Variants in TTC7B observed in about 807,000 individuals in gnomAD.
TTC7B encodes the protein tetratricopeptide repeat domain 7B.
In TTC7B, 28 loss-of-function variants were observed where a neutral mutation model predicts 106.8. The ratio of observed to expected loss-of-function variants is 0.26; its 90% CI spans 0.19 to 0.36. TTC7B has a LOEUF of 0.36. Among genes scored for constraint, TTC7B ranks in the 10% least tolerant of loss-of-function variants. The probability of loss-of-function intolerance (pLI) is 1.00; values close to 1 mark genes in which losing one functional copy is unlikely to be tolerated. For synonymous variants in TTC7B, 405 were observed against 430.6 expected (o/e 0.94, Z 0.74); for missense variants, 862 against 1,076.4 (o/e 0.80, Z 2.79).
chr14:90,638,877 A>G (rs193163303), intron 15 of TTC7B, among the ~76,000 whole-genome samples: 75 of 152,398 alleles, frequency 4.9e-4, no homozygotes, highest in African/African-American at 1.8e-3. Context: ...ACGATGGCCA[A>G]TGGAACAAAA....
rs910811930 is a variant in TTC7B at position 90,534,255 on chromosome 14, A to C, written c.*7113T>G. ...GCAGCGTGGGCAGGGGCAGCAGGAAATGCATGACCACAAGTGTGGGAGGAA... is the reference window on the plus strand; with the variant it reads ...GCAGCGTGGGCAGGGGCAGCAGGAACTGCATGACCACAAGTGTGGGAGGAA... On this transcript the variant is annotated 3_prime_UTR_variant, in exon 20 of 20. Coordinates refer to ENST00000328459, the MANE Select transcript of TTC7B (RefSeq NM_001010854.2). The C allele has an allele frequency of 1.0e-4, 16 of 152,402 alleles. No homozygotes were observed. The highest frequency in any genetic ancestry group is 3.4e-4 in the African/African-American group (14 of 41,476). The allele number at this position is 152,402 out of a possible 1,614,324, so 9.4% of individuals were successfully genotyped here.
chr14:90,592,372 A>C (rs1010614751), intron 18 of TTC7B, among the ~76,000 whole-genome samples: 11 of 152,188 alleles, frequency 7.2e-5, no homozygotes, highest in African/African-American at 2.7e-4. Flanking sequence ...ATCCACAGCC[A>C]TTATTTCTTG....
chr14:90,794,661 G>A (rs72695557), intron 1 of TTC7B, among the ~76,000 whole-genome samples: 6,468 of 152,226 alleles, frequency 0.042, 191 homozygotes, highest in Non-Finnish European at 0.058. Flanking sequence ...CTCTGAGCAG[G>A]GAAGTTACAA....
At chr14:90,611,336 G>C (rs752790073) in intron 16 of TTC7B, among the ~76,000 whole-genome samples, 1 of 152,146 alleles carries the variant, frequency 6.6e-6, no homozygotes, top group African/African-American at 2.4e-5. Flanking sequence ...ACTGTGAACC[G>C]AACAAATCAA....
intron 1 of TTC7B, among the ~76,000 whole-genome samples, chr14:90,797,600 T>C (rs2140052449): frequency 6.6e-6 from 1 of 152,138 alleles, no homozygotes; most frequent in African/African-American, 2.4e-5. Flanking sequence ...GACACTGCTG[T>C]GTCATGCTGG....
intron 15 of TTC7B, among the ~76,000 whole-genome samples, chr14:90,622,979 A>G (rs1731920758): frequency 6.6e-6 from 1 of 151,410 alleles, no homozygotes. Flanking sequence ...CCCATGTGTC[A>G]CTCTCCTCCA....
At chr14:90,717,166 T>C (rs1431606935) in intron 5 of TTC7B, among the ~76,000 whole-genome samples, 8 of 151,930 alleles carry the variant, frequency 5.3e-5, no homozygotes, top group African/African-American at 1.9e-4. Context: ...GGTGAAACCC[T>C]GTCTCTACTA....
chr14:90,737,546 G>GTTTTT (rs71461922), intron 4 of TTC7B, among the ~76,000 whole-genome samples: 128 of 91,750 alleles, frequency 1.4e-3, no homozygotes, highest in Admixed American at 1.7e-3. Flanking sequence ...GTATGATTCT[G>GTTTTT]TTTTTTTTTT....
At chr14:90,801,176 G>C (rs1392416233) in intron 1 of TTC7B, among the ~76,000 whole-genome samples, 1 of 137,082 alleles carries the variant, frequency 7.3e-6, no homozygotes, top group East Asian at 2.1e-4. Flanking sequence ...AGTGAGCCAT[G>C]ATCACACCAC....
chr14:90,678,014 G>T (rs1886909311), intron 8 of TTC7B, among the ~76,000 whole-genome samples: 1 of 152,260 alleles, frequency 6.6e-6, no homozygotes, highest in Admixed American at 6.5e-5. Flanking sequence ...TGTTGCAAAT[G>T]GTCTCATTTT....
At chr14:90,602,884 C>T (rs188298337) in intron 17 of TTC7B, among the ~76,000 whole-genome samples, 136 of 152,260 alleles carry the variant, frequency 8.9e-4, no homozygotes, top group Non-Finnish European at 1.6e-3. Context: ...CCAACTGGTT[C>T]CCTCTACCTA....
Position 90,674,769 on chromosome 14 carries a change from G to T in TTC7B, c.1152+1754C>A, listed in dbSNP as rs146225619. Among the ~76,000 whole-genome samples, 366 of 152,336 alleles carry T rather than the reference G, an allele frequency of 2.4e-3. 2 individuals carry two copies. Among genetic ancestry groups the T allele is most frequent in the African/African-American group, 8.6e-3 (358 of 41,576 alleles). On this transcript the variant is annotated intron_variant, in intron 9 of 19. Transcript: ENST00000328459. The stretch of plus-strand genomic sequence containing the variant: ...ATAAAATTCAAAAGGCTCTGGGGGA[G>T]ATACAGTAACAAATTTGCCTTTCTT...
chr14:90,622,055 G>A (rs1884228047), intron 15 of TTC7B, among the ~76,000 whole-genome samples: 1 of 151,680 alleles, frequency 6.6e-6, no homozygotes, highest in Non-Finnish European at 1.5e-5. Context: ...TCAACACGAT[G>A]AAGAGGGCAG....
chr14:90,664,392 C>A (rs1485238304), intron 9 of TTC7B, among the ~76,000 whole-genome samples: 1 of 152,122 alleles, frequency 6.6e-6, no homozygotes, highest in Non-Finnish European at 1.5e-5. Context: ...GCCTCAGCCT[C>A]CGGAGTAGCT....
At position 90,603,144 on chromosome 14, in the gene TTC7B, C is replaced by T. The variant is rs149966515; in HGVS notation, c.1966+7598G>A. Reference sequence around the variant, plus strand: ...CAGGCAGGTGGCAGAGGGATGTCCACGTCATCTCAGCATTCTCAGCACTCA... The same window carrying T: ...CAGGCAGGTGGCAGAGGGATGTCCATGTCATCTCAGCATTCTCAGCACTCA... On this transcript the variant is annotated intron_variant, in intron 17 of 19. Coordinates refer to ENST00000328459, the MANE Select transcript of TTC7B (RefSeq NM_001010854.2). The T allele has an allele frequency of 4.1e-5, 30 of 733,034 alleles. No individual in the cohort carries two copies. The East Asian group carries it at 7.3e-4, about 18-fold the overall frequency. 45.4% of individuals were successfully genotyped at this position (733,034 alleles called of 1,614,324 possible).
intron 17 of TTC7B, among the ~76,000 whole-genome samples, chr14:90,601,558 A>G (rs1892424079): frequency 6.6e-6 from 1 of 152,268 alleles, no homozygotes; most frequent in Non-Finnish European, 1.5e-5. Context: ...CAAGAACTCA[A>G]GTCGGTAATC....
At chr14:90,542,218 C>T (rs1425485539) in intron 19 of TTC7B, among the ~76,000 whole-genome samples, 2 of 152,040 alleles carry the variant, frequency 1.3e-5, no homozygotes, top group African/African-American at 2.4e-5. Flanking sequence ...GGATTACAGG[C>T]GTGAGCCACA....
chr14:90,593,091 C>T (rs1243154775), intron 18 of TTC7B, among the ~76,000 whole-genome samples: 1 of 152,220 alleles, frequency 6.6e-6, no homozygotes, highest in Non-Finnish European at 1.5e-5. Flanking sequence ...GAATTGGAAA[C>T]TGAGGCTGAG....
chr14:90,563,736 T>C (rs1890680715), intron 19 of TTC7B, among the ~76,000 whole-genome samples: 2 of 152,244 alleles, frequency 1.3e-5, no homozygotes, highest in Admixed American at 1.3e-4. Context: ...ACCCTGCTGC[T>C]GCATTATCAA....
Sources: allele counts gnomAD v4.1 joint callset (sites outside exome capture counted in the v4.1 genomes callset), GRCh38; gene constraint gnomAD v4.1.1; transcripts MANE v1.5; gene names NCBI Gene and HGNC (gene_info 2026-07-23, HGNC 2026-07-21).